Variants in MASP1 observed in about 807,000 individuals in gnomAD.
MASP1 encodes the protein mannan-binding lectin serine protease 1.
MASP1 carries 59 observed loss-of-function variants against 77.1 expected under a neutral mutation model. The observed-to-expected ratio is 0.77, with a 90% CI of 0.62 to 0.95. MASP1 has a LOEUF of 0.95. Among genes scored for constraint, MASP1 ranks in the 40% least tolerant of loss-of-function variants. The pLI, the probability that MASP1 is intolerant of heterozygous loss-of-function variation, is 0.00. For missense variants in MASP1, 885 were observed against 912.9 expected (o/e 0.97, Z 0.39); for synonymous variants, 362 against 354.5 (o/e 1.02, Z -0.24).
exon 16 of MASP1, chr3:187,218,140 C>G (rs1034552696): frequency 1.3e-5 from 2 of 152,274 alleles, no homozygotes; most frequent in Admixed American, 1.3e-4. Flanking sequence ...CCCCCAAAAC[C>G]TTCATACCAG....
At chr3:187,222,835 G>T (rs937690933) in intron 14 of MASP1, among the ~76,000 whole-genome samples, 2 of 152,164 alleles carry the variant, frequency 1.3e-5, no homozygotes, top group African/African-American at 4.8e-5. Context: ...GTCACCATGG[G>T]GGTGTCTAAA....
intron 1 of MASP1, among the ~76,000 whole-genome samples, chr3:187,289,247 A>G (rs963141939): frequency 2.0e-5 from 3 of 152,188 alleles, no homozygotes; most frequent in African/African-American, 4.8e-5. Flanking sequence ...CATGAACGGC[A>G]CTTGCTATCT....
At chr3:187,244,412 C>T (rs1487534963) in intron 8 of MASP1, 1 of 152,182 alleles carries the variant, frequency 6.6e-6, no homozygotes, top group Non-Finnish European at 1.5e-5. Context: ...AGCTGAGAGT[C>T]AGGGCATCTT....
intron 10 of MASP1, among the ~76,000 whole-genome samples, chr3:187,241,159 G>A (rs1223351140): frequency 1.3e-5 from 2 of 152,126 alleles, no homozygotes; most frequent in Non-Finnish European, 2.9e-5. Flanking sequence ...AGTGCTTGAG[G>A]ACAGGGTGCC....
chr3:187,229,112 T>C (rs114750546), downstream of MASP1, among the ~76,000 whole-genome samples: 762 of 152,336 alleles, frequency 5.0e-3, 1 homozygote, highest in African/African-American at 0.017. Context: ...AGAACTGGAA[T>C]AGATCTTAGA....
At position 187,253,305 on chromosome 3, in the gene MASP1, C is replaced by A; in HGVS notation, c.755G>T (p.Gly252Val). 6.2e-7 allele frequency: 1 copy of A among 1,614,046 alleles called. No individual in the cohort carries two copies. Among genetic ancestry groups the A allele is most frequent in the Non-Finnish European group, 8.5e-7 (1 of 1,180,004 alleles). Residue 252 changes from glycine to valine, a missense_variant, in exon 6 of 11, where the codon GGT becomes GTT. Transcript: ENST00000296280. ...ACAGAAAGGCCCCAAAACTTTTGGA[C>A]CAACTTTGATCTGCAAAATATGAGA... ...CPYDYIKIKV[G>V]PKVLGPFCGE...
In MASP1 at chr3:187,235,918, G is replaced by C. The variant is rs772064936; in HGVS notation, c.1953C>G (p.Gly651=). Residue 651 remains glycine, a synonymous_variant, in exon 11 of 11, where the codon GGC becomes GGG. Transcript: ENST00000296280. ...YSVTENMFCA[G]YYEGGKDTCL... ...ACGTGTCTTTGCCGCCCTCGTAGTA[G>C]CCAGCACAGAACATGTTCTCCGTGA... The C allele has an allele frequency of 1.9e-6, 3 of 1,614,250 alleles. No homozygotes were observed. The African/African-American group carries it at 4.0e-5, about 22-fold the overall frequency.
chr3:187,223,869 C>T (rs1712216566), intron 13 of MASP1, among the ~76,000 whole-genome samples: 1 of 152,226 alleles, frequency 6.6e-6, no homozygotes, highest in Non-Finnish European at 1.5e-5. Context: ...CTGCTTCATA[C>T]AAGCTGCATC....
rs1714609380 is a variant in MASP1 at position 187,251,640 on chromosome 3, C to T, written c.1005G>A (p.Val335=). 1 of 1,613,748 alleles carries T rather than the reference C, an allele frequency of 6.2e-7. No individual in the cohort carries two copies. The highest frequency in any genetic ancestry group is 8.5e-7 in the Non-Finnish European group (1 of 1,179,828). The change falls in exon 7 of 11, where the codon GTG becomes GTA. Residue 335 remains valine (V), a synonymous_variant. Transcript: ENST00000296280. ...CCCAGGCAAGGCTCTGCACCTTCAG[C>T]ACTTTGTAGCCTGTGTCACAGCTGA... ...VLVSCDTGYK[V]LKDNVEMDTF... is the part of the protein sequence containing the mutation.
intron 3 of MASP1, 50 bp from the exon 4 acceptor site, chr3:187,260,922 C>CT: frequency 6.2e-7 from 1 of 1,609,628 alleles, no homozygotes. Context: ...ATGATGAAGA[C>CT]TACAGCCAAC....
At chr3:187,279,885 A>G (rs761240542) in intron 2 of MASP1, among the ~76,000 whole-genome samples, 22 of 152,314 alleles carry the variant, frequency 1.4e-4, no homozygotes, top group Admixed American at 2.6e-4. Flanking sequence ...GTCTGGCTTT[A>G]TTATGCACTT....
chr3:187,242,975 A>G, intron 9 of MASP1: 1 of 199,388 alleles, frequency 5.0e-6, no homozygotes, highest in South Asian at 9.6e-5. Context: ...CCAGGGGAAG[A>G]GGTCTTTGAA....
At chr3:187,225,441 G>C (rs1356338593) in exon 13 of MASP1, 1 of 1,614,198 alleles carries the variant, frequency 6.2e-7, no homozygotes, top group African/African-American at 1.3e-5. Flanking sequence ...TCATACTGGG[G>C]GTGGAGAGTG....
downstream of MASP1, among the ~76,000 whole-genome samples, chr3:187,229,280 G>C (rs953788287): frequency 6.6e-5 from 10 of 152,022 alleles, no homozygotes; most frequent in Admixed American, 6.5e-4. Flanking sequence ...TTACTCTGAG[G>C]CTATGCCTTC....
At chr3:187,280,082 A>C (rs1308958175) in intron 2 of MASP1, among the ~76,000 whole-genome samples, 3 of 152,202 alleles carry the variant, frequency 2.0e-5, no homozygotes, top group Non-Finnish European at 4.4e-5. Flanking sequence ...AGATTTTTAG[A>C]GTAGCATAAT....
chr3:187,277,347 A>G (rs1018731509), intron 2 of MASP1, among the ~76,000 whole-genome samples: 1 of 152,208 alleles, frequency 6.6e-6, no homozygotes, highest in African/African-American at 2.4e-5. Context: ...GCTTGAGCTC[A>G]TCAGAAAGGA....
At position 187,235,118 on chromosome 3, in the gene MASP1, C is replaced by G. The variant is rs1462529214; in HGVS notation, c.*566G>C. ...GAGAGAAACCCCAGGCATGAAGGTG[C>G]TCCAAGGGATCACACTAAGAGAGAG... On this transcript the variant is annotated 3_prime_UTR_variant, in exon 11 of 11. Transcript: ENST00000296280. 7.8e-7 allele frequency: 1 copy of G among 1,287,236 alleles called. No individual in the cohort carries two copies. The highest frequency in any genetic ancestry group is 1.0e-6 in the Non-Finnish European group (1 of 988,772). The allele number at this position is 1,287,236 out of a possible 1,614,324, so 79.7% of individuals were successfully genotyped here.
Position 187,260,807 on chromosome 3 carries a change from T to C in MASP1, c.481A>G (p.Ile161Val), listed in dbSNP as rs1243293295. ...CGGCAGGAGCAGTAGTAGCCGCCAATGTAGTTGTGGCAGTAGTGGTCACAG... is the reference window on the plus strand; with the variant it reads ...CGGCAGGAGCAGTAGTAGCCGCCAACGTAGTTGTGGCAGTAGTGGTCACAG... ...LSCDHYCHNY[I>V]GGYYCSCRFG... Residue 161 changes from isoleucine to valine, a missense_variant, in exon 4 of 11, where the codon ATT (isoleucine) becomes GTT (valine). Physicochemically the swap from Ile to Val is conservative, Grantham distance 29. Transcript: ENST00000296280. 1 of 1,614,036 alleles carries C rather than the reference T, an allele frequency of 6.2e-7. No individual in the cohort carries two copies. The highest frequency in any genetic ancestry group is 2.2e-5 in the East Asian group (1 of 44,894).
At chr3:187,233,878 AG>A, downstream of MASP1, among the ~76,000 whole-genome samples, 1 of 152,336 alleles carries the variant, frequency 6.6e-6, no homozygotes, top group South Asian at 2.1e-4. Context: ...ACTTAAATGA[AG>A]GAACAAGTAG....
Sources: gnomAD v4.1 joint callset for allele counts (sites outside exome capture counted in the v4.1 genomes callset) on GRCh38, gnomAD v4.1.1 for gene constraint, MANE v1.5 for transcripts, NCBI Gene and HGNC (gene_info 2026-07-23, HGNC 2026-07-21) for gene names.